Variants in CLUL1 observed in about 807,000 individuals in gnomAD.
CLUL1 encodes clusterin-like protein 1.
A neutral mutation model predicts 49.4 loss-of-function variants in CLUL1; 43 were observed. The observed-to-expected ratio is 0.87, with a 90% CI of 0.68 to 1.12. The LOEUF is 1.12. Among genes scored for constraint, CLUL1 ranks in the 50% most tolerant of loss-of-function variants. The pLI is 0.00. For missense variants in CLUL1, 486 were observed against 544.4 expected (o/e 0.89, Z 1.07); for synonymous variants, 192 against 184.9 (o/e 1.04, Z -0.31).
At chr18:625,204 T>C (rs1479535168) in intron 5 of CLUL1, among the ~76,000 whole-genome samples, 172 bp downstream of exon 5, 1 of 152,154 alleles carries the variant, frequency 6.6e-6, no homozygotes, top group Non-Finnish European at 1.5e-5. Context: ...GTATACGCAA[T>C]TTATAAGGTA....
At chr18:621,967 T>C (rs940060266) in intron 4 of CLUL1, among the ~76,000 whole-genome samples, 2 of 152,128 alleles carry the variant, frequency 1.3e-5, no homozygotes, top group Non-Finnish European at 2.9e-5. Flanking sequence ...TTCTTAAAAA[T>C]CTTATTGTAC....
intron 4 of CLUL1, among the ~76,000 whole-genome samples, chr18:620,750 T>TA (rs1372576414): frequency 2.0e-5 from 3 of 152,320 alleles, no homozygotes; most frequent in East Asian, 1.9e-4. Context: ...TTGGAAGATG[T>TA]AAAAAATTGT....
intron 7 of CLUL1, among the ~76,000 whole-genome samples, chr18:640,531 A>G (rs1029515791): frequency 6.6e-6 from 1 of 151,870 alleles, no homozygotes; most frequent in Admixed American, 6.6e-5. Context: ...TCACTTATGT[A>G]TTCTTTTGCA....
At chr18:649,258 G>C (rs1350979027) in intron 9 of CLUL1, among the ~76,000 whole-genome samples, 1 of 152,134 alleles carries the variant, frequency 6.6e-6, no homozygotes, top group Non-Finnish European at 1.5e-5. Context: ...ACATTTGCTA[G>C]GTGCCCTAGC....
chr18:623,463 G>A (rs2073568992), intron 4 of CLUL1, among the ~76,000 whole-genome samples: 1 of 151,952 alleles, frequency 6.6e-6, no homozygotes, highest in Admixed American at 6.6e-5. Flanking sequence ...TGGGCAAAAT[G>A]GTGAAACTCC....
intron 7 of CLUL1, among the ~76,000 whole-genome samples, chr18:638,687 G>A (rs750186529): frequency 1.1e-4 from 17 of 151,088 alleles, no homozygotes; most frequent in Non-Finnish European, 1.8e-4. Context: ...GTGAAACCCC[G>A]TCTCTACTAA....
intron 6 of CLUL1, among the ~76,000 whole-genome samples, chr18:628,225 G>A (rs1380058756): frequency 6.6e-6 from 1 of 152,216 alleles, no homozygotes; most frequent in Non-Finnish European, 1.5e-5. Flanking sequence ...TCAACTCCCA[G>A]TTTGAGAAGC....
chr18:635,408 G>A (rs1466694833), intron 7 of CLUL1, among the ~76,000 whole-genome samples: 1 of 152,108 alleles, frequency 6.6e-6, no homozygotes, highest in Admixed American at 6.6e-5. Flanking sequence ...CTCACCTGCC[G>A]CTCACCTCCT....
chr18:637,212 T>G (rs955020045), intron 7 of CLUL1, among the ~76,000 whole-genome samples: 1 of 151,564 alleles, frequency 6.6e-6, no homozygotes, highest in Non-Finnish European at 1.5e-5. Flanking sequence ...GGTCTCGATC[T>G]CCTGACCTTG....
rs1416136714 is a variant in CLUL1 at position 597,016 on chromosome 18, C to CG, written c.-245dup. The CG allele has an allele frequency of 2.0e-5, 3 of 149,746 alleles. No individual in the cohort carries two copies. The highest frequency in any genetic ancestry group is 4.4e-5 in the Non-Finnish European group (3 of 67,618). The allele number at this position is 149,746 out of a possible 1,614,324, so 9.3% of individuals were successfully genotyped here. On this transcript the variant is annotated 5_prime_UTR_variant, in exon 1 of 10. Coordinates refer to ENST00000692774, the MANE Select transcript of CLUL1 (RefSeq NM_001393344.1). Reference sequence around the variant, plus strand: ...CTGCGTCACCTGCAGGCCCGGGCCGCGGGGTTGGTTTCCACCCTGGAGGTT... The same window carrying CG: ...CTGCGTCACCTGCAGGCCCGGGCCGCGGGGGTTGGTTTCCACCCTGGAGGTT...
At chr18:607,240 G>T in intron 2 of CLUL1, 141 bp downstream of exon 2, 1 of 592,978 alleles carries the variant, frequency 1.7e-6, no homozygotes, top group East Asian at 2.9e-5. Context: ...GGTTTCTCTT[G>T]CCTCAGCCTC....
At chr18:603,616 C>T (rs2072889579) in intron 1 of CLUL1, among the ~76,000 whole-genome samples, 1 of 152,054 alleles carries the variant, frequency 6.6e-6, no homozygotes, top group Admixed American at 6.5e-5. Context: ...TTGCTACAAC[C>T]CATAGAGCTT....
intron 2 of CLUL1, among the ~76,000 whole-genome samples, chr18:616,422 G>T (rs1432660533): frequency 6.6e-6 from 1 of 152,020 alleles, no homozygotes; most frequent in African/African-American, 2.4e-5. Context: ...GACTAATTTT[G>T]CTTACATAGG....
intron 2 of CLUL1, among the ~76,000 whole-genome samples, chr18:611,451 C>T (rs2073132637): frequency 6.6e-6 from 1 of 152,056 alleles, no homozygotes; most frequent in African/African-American, 2.4e-5. Context: ...GTCATCCCAG[C>T]TACTCAGGAG....
chr18:600,539 G>A (rs2072797572), intron 1 of CLUL1, among the ~76,000 whole-genome samples: 1 of 130,444 alleles, frequency 7.7e-6, no homozygotes, highest in Admixed American at 7.4e-5. Context: ...CAGAGAAGAA[G>A]GCTTGGCGAG....
intron 9 of CLUL1, among the ~76,000 whole-genome samples, chr18:646,145 C>T (rs1218973419): frequency 6.6e-6 from 1 of 151,712 alleles, no homozygotes. Flanking sequence ...CATCACACTG[C>T]ACGGCTTCCT....
chr18:611,266 G>C (rs2143960623), intron 2 of CLUL1, among the ~76,000 whole-genome samples: 1 of 140,554 alleles, frequency 7.1e-6, no homozygotes, highest in Middle Eastern at 3.7e-3. Flanking sequence ...AGTACAGATT[G>C]CCTCTCATAG....
At chr18:626,944 AAGGAAGGAAGG>A (rs2073785534) in intron 5 of CLUL1, among the ~76,000 whole-genome samples, 142 bp from the exon 6 acceptor site, 1 of 3,022 alleles carries the variant, frequency 3.3e-4, no homozygotes. Flanking sequence ...AGAAGGAAAG[AAGGAAGGAAGG>A]AAGGAAGGAA....
At chr18:636,996 G>GT (rs1211635481) in intron 7 of CLUL1, among the ~76,000 whole-genome samples, 67 of 146,978 alleles carry the variant, frequency 4.6e-4, no homozygotes, top group East Asian at 1.2e-3. Flanking sequence ...TTTTGTTTTT[G>GT]TTTTTTTTGA....
Sources: allele counts gnomAD v4.1 joint callset (sites outside exome capture counted in the v4.1 genomes callset), GRCh38; gene constraint gnomAD v4.1.1; transcripts MANE v1.5; gene names NCBI Gene and HGNC (gene_info 2026-07-23, HGNC 2026-07-21).